The following CCDC174 variants were observed in gnomAD, a reference collection of about 807,000 sequenced individuals.
CCDC174 encodes the protein coiled-coil domain-containing protein 174.
A neutral mutation model predicts 57.1 loss-of-function variants in CCDC174; 37 were observed. The ratio of observed to expected loss-of-function variants is 0.65; its 90% CI spans 0.50 to 0.85. CCDC174 has a LOEUF of 0.85. CCDC174 is among the 40% of genes least tolerant of loss of function. The probability of loss-of-function intolerance (pLI) is 0.00; values close to 1 mark genes in which losing one functional copy is unlikely to be tolerated. For synonymous variants in CCDC174, 182 were observed against 190.2 expected (o/e 0.96, Z 0.35); for missense variants, 540 against 574.3 (o/e 0.94, Z 0.61).
At chr3:14,660,953 C>A (rs1311657692) in intron 4 of CCDC174, among the ~76,000 whole-genome samples, 1 of 152,222 alleles carries the variant, frequency 6.6e-6, no homozygotes, top group Non-Finnish European at 1.5e-5. Context: ...GCCCTGCAGG[C>A]AGAGGGTGTC....
At chr3:14,657,050 G>A (rs951282292) in intron 3 of CCDC174, among the ~76,000 whole-genome samples, 1 of 152,180 alleles carries the variant, frequency 6.6e-6, no homozygotes, top group African/African-American at 2.4e-5. Context: ...GATCAGTTTT[G>A]AGACATTTCC....
intron 5 of CCDC174, among the ~76,000 whole-genome samples, chr3:14,664,044 C>T (rs577457503): frequency 6.7e-6 from 1 of 149,016 alleles, no homozygotes; most frequent in Non-Finnish European, 1.5e-5. Context: ...TTCCCCCATC[C>T]ATTTGGGGGG....
chr3:14,666,972 G>A lies in CCDC174; in HGVS notation c.724+25G>A, dbSNP rs141772230. 108 of 1,561,570 alleles carry A rather than the reference G, an allele frequency of 6.9e-5. 1 individual carries two copies. In the East Asian group the frequency reaches 1.9e-3, roughly 27 times the overall value. ...GGTATGACTATTTTCTTGCAGCTTT[G>A]CAAATCTTATTTTTAACCTTAAACT... On this transcript the variant is annotated intron_variant, in intron 7 of 10. Transcript: ENST00000383794.
chr3:14,658,799 C>G, intron 3 of CCDC174, 72 bp from the exon 4 acceptor site: 1 of 1,460,292 alleles, frequency 6.8e-7, no homozygotes, highest in Non-Finnish European at 9.3e-7. Flanking sequence ...ACCTGTCAGG[C>G]AGGGAGTGTG....
intron 6 of CCDC174, among the ~76,000 whole-genome samples, chr3:14,666,284 A>T (rs868708540): frequency 3.3e-5 from 5 of 152,100 alleles, no homozygotes; most frequent in Non-Finnish European, 5.9e-5. Flanking sequence ...GTGCTCAGGC[A>T]AGATTCCGTC....
rs1381704064 is a variant in CCDC174 at position 14,665,037 on chromosome 3, C to T, written c.495C>T (p.Tyr165=). ...TTTGCTTTCATTTCAGGGTGGATTA[C>T]GTGGACTCTTTGGGGCGTTCCCGGC... ...PQDPSEEWVD[Y]VDSLGRSRRC... Residue 165 remains tyrosine (Y), a synonymous_variant, in exon 6 of 11, where the codon TAC becomes TAT. Transcript: ENST00000383794. 5 of 1,613,350 alleles carry T rather than the reference C, an allele frequency of 3.1e-6. No homozygotes were observed. The highest frequency in any genetic ancestry group is 1.3e-5 in the African/African-American group (1 of 74,976).
intron 3 of CCDC174, among the ~76,000 whole-genome samples, chr3:14,655,958 C>T (rs541543932): frequency 5.3e-5 from 8 of 152,144 alleles, no homozygotes; most frequent in Non-Finnish European, 8.8e-5. Flanking sequence ...ACTTCCCCCC[C>T]ACCTTTTATT....
At chr3:14,666,744 A>T in intron 6 of CCDC174, 61 bp from the exon 7 acceptor site, 1 of 1,357,396 alleles carries the variant, frequency 7.4e-7, no homozygotes, top group Non-Finnish European at 1.0e-6. Flanking sequence ...AACTGACTGT[A>T]CTTAAACACT....
intron 10 of CCDC174, among the ~76,000 whole-genome samples, 153 bp from the exon 11 acceptor site, chr3:14,670,743 T>C (rs1000990539): frequency 2.0e-5 from 3 of 152,258 alleles, no homozygotes; most frequent in Non-Finnish European, 2.9e-5. Context: ...GTATTACTTA[T>C]ACCTTGTAAT....
At chr3:14,657,621 A>G (rs1253322116) in intron 3 of CCDC174, among the ~76,000 whole-genome samples, 1 of 152,146 alleles carries the variant, frequency 6.6e-6, no homozygotes, top group Non-Finnish European at 1.5e-5. Context: ...ACCAAGTTTC[A>G]TATCCTTTCT....
At chr3:14,668,005 G>C in intron 8 of CCDC174, 44 bp from the exon 9 acceptor site, 2 of 1,551,728 alleles carry the variant, frequency 1.3e-6, no homozygotes, top group Non-Finnish European at 1.7e-6. Context: ...CAGGAATATT[G>C]CAAATTTGGC....
At chr3:14,660,661 A>T (rs1179829046) in intron 4 of CCDC174, among the ~76,000 whole-genome samples, 1 of 152,204 alleles carries the variant, frequency 6.6e-6, no homozygotes, top group East Asian at 1.9e-4. Flanking sequence ...GATATGTCAG[A>T]CCTGCAAGTT....
chr3:14,666,659 CCAG>C, intron 6 of CCDC174, 143 bp from the exon 7 acceptor site: 1 of 593,410 alleles, frequency 1.7e-6, no homozygotes, highest in East Asian at 3.1e-5. Context: ...TATTGATTTT[CCAG>C]CAGTCTTGTG....
At chr3:14,655,951 TC>T (rs35319227) in intron 3 of CCDC174, among the ~76,000 whole-genome samples, 2 of 151,882 alleles carry the variant, frequency 1.3e-5, no homozygotes, top group East Asian at 3.9e-4. Context: ...ACCCTAAACT[TC>T]CCCCCCACCT....
At chr3:14,663,896 A>T (rs528981450) in intron 5 of CCDC174, among the ~76,000 whole-genome samples, 72 of 152,338 alleles carry the variant, frequency 4.7e-4, no homozygotes, top group Non-Finnish European at 8.7e-4. Context: ...GTTCTGACAC[A>T]TTTTTTTGTT....
At chr3:14,664,500 G>A (rs1226934310) in intron 5 of CCDC174, among the ~76,000 whole-genome samples, 2 of 152,180 alleles carry the variant, frequency 1.3e-5, no homozygotes, top group Non-Finnish European at 2.9e-5. Context: ...ATGGTGTTTG[G>A]CTTCCTCCTA....
At chr3:14,670,774 C>T in intron 10 of CCDC174, 122 bp from the exon 11 acceptor site, 1 of 843,872 alleles carries the variant, frequency 1.2e-6, no homozygotes, top group Non-Finnish European at 1.8e-6. Context: ...TGTTGCCATT[C>T]TTATTCTTTG....
At position 14,651,826 on chromosome 3, in the gene CCDC174, C is replaced by G; in HGVS notation, c.-11C>G. ...AGGGTCCTTCCTGGACCGGGACCCT[C>G]TGCCACGACCATGGACCGTAGGAAA... On this transcript the variant is annotated 5_prime_UTR_variant, in exon 1 of 11. Transcript: ENST00000383794. 1.2e-6 allele frequency: 2 copies of G among 1,614,134 alleles called. No homozygotes were observed. Among genetic ancestry groups the G allele is most frequent in the Non-Finnish European group, 1.7e-6 (2 of 1,179,976 alleles).
At chr3:14,654,668 C>T (rs1380551409) in intron 2 of CCDC174, 138 bp downstream of exon 2, 2 of 509,226 alleles carry the variant, frequency 3.9e-6, no homozygotes, top group East Asian at 3.4e-5. Context: ...TTAACATCTG[C>T]ATGAAATGTT....
Sources: gnomAD v4.1 joint callset for allele counts (sites outside exome capture counted in the v4.1 genomes callset) on GRCh38, gnomAD v4.1.1 for gene constraint, MANE v1.5 for transcripts, NCBI Gene and HGNC (gene_info 2026-07-23, HGNC 2026-07-21) for gene names.